Variants in DDX60L observed in about 807,000 individuals in gnomAD.
DDX60L encodes the protein DExD/H-box 60 like, also known as probable ATP-dependent RNA helicase DDX60-like.
In DDX60L, 191 loss-of-function variants were observed where a neutral mutation model predicts 211.6. The ratio of observed to expected loss-of-function variants is 0.90; its 90% CI spans 0.80 to 1.02. The LOEUF is 1.02. Ranked by LOEUF, DDX60L falls within the 50% of genes least tolerant of loss-of-function variation. The pLI is 0.00. For missense variants in DDX60L, 2,007 were observed against 1,984.1 expected (o/e 1.01, Z -0.22); for synonymous variants, 706 against 694.1 (o/e 1.02, Z -0.27).
At chr4:168,369,111 A>G (rs1307097223) in intron 36 of DDX60L, among the ~76,000 whole-genome samples, 1 of 152,190 alleles carries the variant, frequency 6.6e-6, no homozygotes, top group Non-Finnish European at 1.5e-5. Flanking sequence ...GGGAGGGGCC[A>G]GGGGCAGAAT....
chr4:168,400,048 G>A (rs1746521284), intron 26 of DDX60L, among the ~76,000 whole-genome samples: 1 of 152,062 alleles, frequency 6.6e-6, no homozygotes, highest in Non-Finnish European at 1.5e-5. Context: ...CCCAGTGTGT[G>A]TTGTTCCCCT....
intron 22 of DDX60L, among the ~76,000 whole-genome samples, chr4:168,414,282 T>TA (rs909427606): frequency 2.0e-5 from 3 of 151,906 alleles, no homozygotes; most frequent in Non-Finnish European, 4.4e-5. Context: ...CACCTGAAGG[T>TA]AAAAAAACTT....
chr4:168,415,881 T>G, intron 20 of DDX60L, 82 bp from the exon 21 acceptor site: 1 of 1,252,334 alleles, frequency 8.0e-7, no homozygotes, highest in Non-Finnish European at 1.0e-6. Flanking sequence ...CAAAGAAAAT[T>G]TCACAAGTTT....
chr4:168,447,192 A>T (rs1436219031), intron 9 of DDX60L, among the ~76,000 whole-genome samples: 1 of 151,076 alleles, frequency 6.6e-6, no homozygotes, highest in Non-Finnish European at 1.5e-5. Context: ...CAAGAAAAAA[A>T]CAAACAACCC....
Position 168,420,377 on chromosome 4 carries a change from G to C in DDX60L, c.2398C>G (p.Leu800Val), listed in dbSNP as rs769514485. ...ACAGTTGCAGCCACTTGACCAACAA[G>C]GGACTGATTGACAAGAAAAAAAACC... ...VVVYVAPAKS[L>V]VGQVAATVEN... is the part of the protein sequence containing the mutation. The change falls in exon 18 of 38, where the codon CTT (leucine) becomes GTT (valine). Residue 800 changes from leucine (L) to valine (V), a missense_variant. Coordinates refer to ENST00000682922, the MANE Select transcript of DDX60L (RefSeq NM_001012967.3). The C allele has an allele frequency of 1.7e-5, 28 of 1,603,690 alleles. No individual in the cohort carries two copies. The African/African-American group carries it at 3.5e-4, about 20-fold the overall frequency.
intron 4 of DDX60L, among the ~76,000 whole-genome samples, chr4:168,466,164 G>C (rs1279216647): frequency 6.6e-6 from 1 of 151,952 alleles, no homozygotes; most frequent in African/African-American, 2.4e-5. Flanking sequence ...GGAAAAAAGA[G>C]TAAGGAAAAT....
rs1288850335 is a variant in DDX60L, at chr4:168,405,940, T to G, written c.3213+10A>C. The G allele has an allele frequency of 6.4e-7, 1 of 1,555,226 alleles. No individual in the cohort carries two copies. The highest frequency in any genetic ancestry group is 2.3e-5 in the East Asian group (1 of 43,128). On this transcript the variant is annotated intron_variant, in intron 24 of 37. Coordinates refer to ENST00000682922, the MANE Select transcript of DDX60L (RefSeq NM_001012967.3). Reference sequence around the variant, plus strand: ...AAGTGAAACTTTGTCCAAGAAAGTGTGAAAATTACCTTCTTCACTTGGCCA... The same window carrying G: ...AAGTGAAACTTTGTCCAAGAAAGTGGGAAAATTACCTTCTTCACTTGGCCA...
chr4:168,404,048 A>C lies in DDX60L; in HGVS notation c.3272T>G (p.Val1091Gly), dbSNP rs1294306489. ...TTCAACAAGAAGAGGAAACATTTTC[A>C]CCATATCTTTTGAACTAGACAATGA... ...PDSLSSSKDM[V>G]KMFPLLVEKL... The change falls in exon 25 of 38, where the codon GTG becomes GGG. Residue 1091 changes from valine to glycine, a missense_variant. Transcript: ENST00000682922. 8.8e-6 allele frequency: 13 copies of C among 1,474,018 alleles called. No individual in the cohort carries two copies. The highest frequency in any genetic ancestry group is 1.2e-5 in the Non-Finnish European group (13 of 1,100,872). 91.3% of individuals were successfully genotyped at this position (1,474,018 alleles called of 1,614,324 possible).
chr4:168,392,633 G>A (rs1745042471), intron 28 of DDX60L, among the ~76,000 whole-genome samples: 1 of 152,004 alleles, frequency 6.6e-6, no homozygotes, highest in African/African-American at 2.4e-5. Context: ...CACCTGAGGT[G>A]AGGAGTTCGA....
At chr4:168,413,320 A>T (rs1290616629) in intron 22 of DDX60L, among the ~76,000 whole-genome samples, 2 of 152,170 alleles carry the variant, frequency 1.3e-5, no homozygotes, top group South Asian at 4.1e-4. Context: ...GCAAAGACAC[A>T]TTAAAAAAAG....
At chr4:168,376,522 C>T (rs2149661141) in intron 33 of DDX60L, among the ~76,000 whole-genome samples, 1 of 152,220 alleles carries the variant, frequency 6.6e-6, no homozygotes, top group South Asian at 2.1e-4. Context: ...AAAGAATGCC[C>T]CTACCAACTC....
intron 22 of DDX60L, among the ~76,000 whole-genome samples, chr4:168,408,946 C>T (rs980712819): frequency 2.0e-5 from 3 of 152,200 alleles, no homozygotes; most frequent in African/African-American, 7.2e-5. Context: ...TTAGAAGGTT[C>T]CTTTACATTC....
At chr4:168,367,245 C>T (rs572976713) in intron 36 of DDX60L, among the ~76,000 whole-genome samples, 3 of 152,134 alleles carry the variant, frequency 2.0e-5, no homozygotes, top group South Asian at 2.1e-4. Context: ...CCACAATTAC[C>T]ACATGTCGTG....
intron 8 of DDX60L, among the ~76,000 whole-genome samples, chr4:168,449,667 A>G (rs1215213239): frequency 1.1e-4 from 1 of 8,988 alleles, no homozygotes; most frequent in East Asian, 0.011. Context: ...AAAAAAAAAG[A>G]AAAAAGAAAA....
chr4:168,423,678 T>A lies in DDX60L; in HGVS notation c.2027A>T (p.His676Leu). The A allele has an allele frequency of 1.2e-6, 2 of 1,605,656 alleles. No individual in the cohort carries two copies. Among genetic ancestry groups the A allele is most frequent in the South Asian group, 2.2e-5 (2 of 89,512 alleles). ...RYPEILEAEH[H>L]QYIAKCLKYL... ...TTTAAGGCATTTAGCTATATATTGA[T>A]GATGTTCTGCTTCCAAAATTTCTGG... The change falls in exon 15 of 38, where the codon CAT becomes CTT. Residue 676 changes from histidine (H) to leucine (L), a missense_variant. Physicochemically the swap from His to Leu is moderately conservative, Grantham distance 99. Transcript: ENST00000682922.
At position 168,406,584 on chromosome 4, in the gene DDX60L, A is replaced by T. The variant is rs565831085; in HGVS notation, c.3084+18T>A. 3 of 1,534,164 alleles carry T rather than the reference A, an allele frequency of 2.0e-6. No homozygotes were observed. The highest frequency in any genetic ancestry group is 1.9e-5 in the Admixed American group (1 of 52,898). On this transcript the variant is annotated intron_variant, in intron 23 of 37. Coordinates refer to ENST00000682922, the MANE Select transcript of DDX60L (RefSeq NM_001012967.3). The stretch of plus-strand genomic sequence containing the variant: ...TTAACTAAAGTTCATTTTGGTGAAT[A>T]TATATTTCTATATTTACCTGAGCCC...
At chr4:168,366,367 T>A (rs1321046974) in intron 36 of DDX60L, among the ~76,000 whole-genome samples, 1 of 152,008 alleles carries the variant, frequency 6.6e-6, no homozygotes, top group African/African-American at 2.4e-5. Flanking sequence ...AAATAAAAAG[T>A]TTTTTTAAAA....
intron 4 of DDX60L, among the ~76,000 whole-genome samples, chr4:168,462,810 C>CAAAACAAAAACA (rs3068255): frequency 6.7e-6 from 1 of 150,062 alleles, no homozygotes; most frequent in African/African-American, 2.5e-5. Flanking sequence ...GACTGTGTCT[C>CAAAACAAAAACA]AAAACAAAAA....
chr4:168,416,939 AAT>A, intron 19 of DDX60L, 142 bp from the exon 20 acceptor site: 1 of 491,014 alleles, frequency 2.0e-6, no homozygotes. Flanking sequence ...AAATTCAGAC[AAT>A]AGACATCATG....
Sources: allele counts gnomAD v4.1 joint callset (sites outside exome capture counted in the v4.1 genomes callset), GRCh38; gene constraint gnomAD v4.1.1; transcripts MANE v1.5; gene names NCBI Gene and HGNC (gene_info 2026-07-23, HGNC 2026-07-21).